The following ARHGEF3 variants were observed in gnomAD, a reference collection of about 807,000 sequenced individuals.
ARHGEF3 encodes Rho guanine nucleotide exchange factor 3, also known as 59.8 kDA protein.
A neutral mutation model predicts 63.2 loss-of-function variants in ARHGEF3; 28 were observed. The observed-to-expected ratio is 0.44, with a 90% confidence interval of 0.33 to 0.61. ARHGEF3 has a LOEUF of 0.61. Among genes scored for constraint, ARHGEF3 ranks in the 20% least tolerant of loss-of-function variants. The pLI, the probability that ARHGEF3 is intolerant of heterozygous loss-of-function variation, is 0.03. For synonymous variants in ARHGEF3, 266 were observed against 254.2 expected (o/e 1.05, Z -0.44); for missense variants, 533 against 659.3 (o/e 0.81, Z 2.10).
At chr3:57,022,788 G>C (rs752389178) in intron 2 of ARHGEF3, among the ~76,000 whole-genome samples, 3 of 151,702 alleles carry the variant, frequency 2.0e-5, no homozygotes. Context: ...GACATGACTC[G>C]CAGTAGCAGG....
rs1578342051 is a variant in ARHGEF3, at chr3:56,727,845, C to T, written c.*1425G>A. The T allele has an allele frequency of 1.3e-5, 2 of 152,628 alleles. No individual in the cohort carries two copies. Among genetic ancestry groups the T allele is most frequent in the East Asian group, 1.9e-4 (1 of 5,194 alleles). 9.5% of individuals were successfully genotyped at this position (152,628 alleles called of 1,614,324 possible). On this transcript the variant is annotated 3_prime_UTR_variant, in exon 10 of 10. Transcript: ENST00000296315. ...ATACCTTGTTTTTATATTGATATAT[C>T]TTGTCACACAGCTTGAATGCACATG... is the stretch of plus-strand genomic sequence containing the variant.
rs72294634 is a variant in ARHGEF3, at chr3:56,923,025, AATATATAT to A, written c.129+35790_129+35797del. 9.3e-3 allele frequency among the ~76,000 whole-genome samples: 843 copies of A among 90,686 alleles called. 2 individuals carry two copies. Among genetic ancestry groups the A allele is most frequent in the Middle Eastern group, 0.018 (4 of 220 alleles). The allele number at this position is 90,686 out of a possible 152,430, so 59.5% of individuals were successfully genotyped here. ...AAATGGCAAAACCCCATCTCTACTA[AATATATAT>A]ATATATATATATATATATATATATA... is the stretch of plus-strand genomic sequence containing the variant. On this transcript the variant is annotated intron_variant, in intron 3 of 12. Transcript: ENST00000338458.
At chr3:56,954,386 C>T (rs1412779613) in intron 3 of ARHGEF3, among the ~76,000 whole-genome samples, 1 of 152,174 alleles carries the variant, frequency 6.6e-6, no homozygotes, top group Non-Finnish European at 1.5e-5. Flanking sequence ...ACTCTGAGCT[C>T]AGCACTGCCC....
At chr3:57,006,739 G>A (rs1210206243) in intron 2 of ARHGEF3, among the ~76,000 whole-genome samples, 1 of 152,004 alleles carries the variant, frequency 6.6e-6, no homozygotes, top group African/African-American at 2.4e-5. Context: ...GCCTGCTCTC[G>A]ACACCCCCCC....
At chr3:57,053,944 T>C (rs1244618385) in intron 1 of ARHGEF3, among the ~76,000 whole-genome samples, 3 of 152,252 alleles carry the variant, frequency 2.0e-5, no homozygotes, top group Non-Finnish European at 4.4e-5. Context: ...TTGGTAATTA[T>C]GGATAAAGTG....
At chr3:56,969,538 C>T (rs1014770456) in intron 2 of ARHGEF3, among the ~76,000 whole-genome samples, 3 of 151,986 alleles carry the variant, frequency 2.0e-5, no homozygotes, top group East Asian at 3.9e-4. Context: ...TTTGGGAGGT[C>T]GAAGTGGGCA....
chr3:56,765,389 C>T (rs538958572), intron 2 of ARHGEF3, among the ~76,000 whole-genome samples: 3 of 152,234 alleles, frequency 2.0e-5, no homozygotes, highest in Non-Finnish European at 2.9e-5. Context: ...ATACCCATTA[C>T]AAGACAGTCT....
At chr3:57,020,794 G>C (rs1272189020) in intron 2 of ARHGEF3, among the ~76,000 whole-genome samples, 1 of 152,210 alleles carries the variant, frequency 6.6e-6, no homozygotes, top group Non-Finnish European at 1.5e-5. Context: ...ATTCCTGTGG[G>C]CCATTACATT....
intron 3 of ARHGEF3, among the ~76,000 whole-genome samples, chr3:56,950,067 T>C (rs544714116): frequency 1.3e-5 from 2 of 152,174 alleles, no homozygotes; most frequent in South Asian, 4.1e-4. Context: ...CTGGGAAAAC[T>C]GGCTAGCCAT....
chr3:57,042,691 TATATATA>T (rs1397342760), intron 1 of ARHGEF3, among the ~76,000 whole-genome samples: 626 of 26,672 alleles, frequency 0.023, 54 homozygotes, highest in Non-Finnish European at 0.028. Context: ...TATATATATA[TATATATA>T]TATTTTTTTT....
At chr3:56,961,649 G>A (rs1425636568) in intron 2 of ARHGEF3, among the ~76,000 whole-genome samples, 2 of 152,138 alleles carry the variant, frequency 1.3e-5, no homozygotes. Context: ...GCTGCCAGGA[G>A]ACCTACCGAG....
chr3:56,834,010 T>C (rs1457949957), intron 4 of ARHGEF3, among the ~76,000 whole-genome samples: 1 of 151,690 alleles, frequency 6.6e-6, no homozygotes, highest in Non-Finnish European at 1.5e-5. Flanking sequence ...TTTAAGTGAT[T>C]CTCCTGCCTC....
At position 56,728,891 on chromosome 3, in the gene ARHGEF3, C is replaced by A. The variant is rs1310452948; in HGVS notation, c.*379G>T. 5.3e-6 allele frequency: 1 copy of A among 188,792 alleles called. No homozygotes were observed. The highest frequency in any genetic ancestry group is 1.1e-5 in the Non-Finnish European group (1 of 89,534). The allele number at this position is 188,792 out of a possible 1,614,324, so 11.7% of individuals were successfully genotyped here. ...AATTCCGTGCCTTTAGCTACCACAT[C>A]TAAGAGCTGGGAAAGTGGTACAGAA... is the stretch of plus-strand genomic sequence containing the variant. On this transcript the variant is annotated 3_prime_UTR_variant, in exon 10 of 10. Coordinates refer to ENST00000296315, the MANE Select transcript of ARHGEF3 (RefSeq NM_019555.3).
chr3:56,746,820 T>C (rs529163071), intron 6 of ARHGEF3, among the ~76,000 whole-genome samples: 1 of 152,280 alleles, frequency 6.6e-6, no homozygotes, highest in Admixed American at 6.5e-5. Flanking sequence ...ACACCTCTTA[T>C]TGAAATTATT....
At chr3:56,965,744 G>A (rs1700468622) in intron 2 of ARHGEF3, among the ~76,000 whole-genome samples, 1 of 151,426 alleles carries the variant, frequency 6.6e-6, no homozygotes. Flanking sequence ...TGCCTTCCGG[G>A]TTCACACCAT....
At chr3:56,923,407 T>G (rs924317132) in intron 3 of ARHGEF3, among the ~76,000 whole-genome samples, 1 of 151,906 alleles carries the variant, frequency 6.6e-6, no homozygotes, top group Non-Finnish European at 1.5e-5. Flanking sequence ...CTGGTTCAAA[T>G]TTTCCTCCTA....
At chr3:56,861,031 A>G (rs541520913) in intron 4 of ARHGEF3, among the ~76,000 whole-genome samples, 1 of 152,292 alleles carries the variant, frequency 6.6e-6, no homozygotes, top group African/African-American at 2.4e-5. Flanking sequence ...GGGAAAGGAG[A>G]GGAGATTCAT....
chr3:56,775,458 C>G lies in ARHGEF3; in HGVS notation c.97-1642G>C, dbSNP rs1048312768. The G allele has an allele frequency of 2.3e-5, 23 of 1,004,224 alleles. 1 individual carries two copies. In the Admixed American group the frequency reaches 8.9e-4, roughly 39 times the overall value. The allele number at this position is 1,004,224 out of a possible 1,614,324, so 62.2% of individuals were successfully genotyped here. A position where few individuals can be genotyped will look rare whatever the true frequency, so the allele number is the denominator to read the frequency against. On this transcript the variant is annotated intron_variant, in intron 1 of 9. Transcript: ENST00000296315. ...CATGATTTCTCAAAGCAGTTAAATA[C>G]TTTTCCAAGACGGAGAATGCAACCA...
At chr3:56,769,691 T>C (rs1462021203) in intron 2 of ARHGEF3, among the ~76,000 whole-genome samples, 2 of 152,328 alleles carry the variant, frequency 1.3e-5, no homozygotes, top group Non-Finnish European at 2.9e-5. Flanking sequence ...TGTGGTCTCC[T>C]GAGGAACCAG....
Sources: allele counts gnomAD v4.1 joint callset (sites outside exome capture counted in the v4.1 genomes callset), GRCh38; gene constraint gnomAD v4.1.1; transcripts MANE v1.5; gene names NCBI Gene and HGNC (gene_info 2026-07-23, HGNC 2026-07-21).